CPA3: variants seen among roughly 807,000 people sequenced by gnomAD.
The protein encoded by CPA3 is carboxypeptidase A3.
A neutral mutation model predicts 55.8 loss-of-function variants in CPA3; 52 were observed. That is an observed-to-expected ratio of 0.93 (90% CI 0.75 to 1.17). The LOEUF (loss-of-function observed/expected upper bound fraction) is 1.17. Ranked by LOEUF, CPA3 falls within the 50% of genes most tolerant of loss-of-function variation. The pLI is 0.00. For missense variants in CPA3, 547 were observed against 509.1 expected, an observed-to-expected ratio of 1.07 and a Z score of -0.72; for synonymous variants, 179 against 171.2, an observed-to-expected ratio of 1.05 and a Z score of -0.36.
chr3:148,890,319 G>A (rs754966763), intron 10 of CPA3, among the ~76,000 whole-genome samples: 177 of 152,258 alleles, frequency 1.2e-3, no homozygotes, highest in Non-Finnish European at 1.8e-3. Flanking sequence ...TATTTGAGTT[G>A]ATAAGAACCA....
chr3:148,883,851 A>G (rs755668255), intron 9 of CPA3, 36 bp downstream of exon 9: 93 of 1,441,026 alleles, frequency 6.5e-5, no homozygotes, highest in Middle Eastern at 5.2e-4. Context: ...ATGCATCGAC[A>G]ATACCATTGA....
Position 148,882,567 on chromosome 3 carries a change from C to T in CPA3, c.750C>T (p.Leu250=), listed in dbSNP as rs774801756. Residue 250 remains leucine, a synonymous_variant, in exon 8 of 11, where the codon CTC becomes CTT. Coordinates refer to ENST00000296046, the MANE Select transcript of CPA3 (RefSeq NM_001870.4). ...ACTCCAAATGCATCGGCACTGACCT[C>T]AACAGGAATTTTAATGCTTCATGGA... ...NQNSKCIGTD[L]NRNFNASWNS... The T allele has an allele frequency of 1.2e-6, 2 of 1,613,646 alleles. No homozygotes were observed. Among genetic ancestry groups the T allele is most frequent in the Non-Finnish European group, 1.7e-6 (2 of 1,179,680 alleles).
At chr3:148,865,617 G>A in intron 2 of CPA3, 69 bp downstream of exon 2, 1 of 1,356,976 alleles carries the variant, frequency 7.4e-7, no homozygotes, top group Non-Finnish European at 1.0e-6. Flanking sequence ...TTATTTTACT[G>A]TCAATGCCCA....
At chr3:148,892,655 AAAC>A (rs533672624) in intron 10 of CPA3, among the ~76,000 whole-genome samples, 8 of 151,602 alleles carry the variant, frequency 5.3e-5, no homozygotes, top group Admixed American at 3.3e-4. Context: ...TCTATCTCAA[AAAC>A]AACAACAACA....
At chr3:148,883,845 A>G (rs1422211638) in intron 9 of CPA3, 30 bp downstream of exon 9, 5 of 1,481,982 alleles carry the variant, frequency 3.4e-6, no homozygotes, top group Non-Finnish European at 4.7e-6. Flanking sequence ...CACTTCATGC[A>G]TCGACAATAC....
chr3:148,875,990 G>A (rs1714190760), intron 3 of CPA3, among the ~76,000 whole-genome samples: 1 of 151,924 alleles, frequency 6.6e-6, no homozygotes, highest in Non-Finnish European at 1.5e-5. Flanking sequence ...AGGAAAAAAA[G>A]AAATAGTTAT....
chr3:148,872,000 G>A (rs1330970673), intron 3 of CPA3, among the ~76,000 whole-genome samples: 1 of 152,116 alleles, frequency 6.6e-6, no homozygotes, highest in African/African-American at 2.4e-5. Context: ...CATATTAAAA[G>A]GCTGGTTTGA....
At chr3:148,894,318 G>A (rs190021845) in intron 10 of CPA3, among the ~76,000 whole-genome samples, 47 of 152,016 alleles carry the variant, frequency 3.1e-4, no homozygotes, top group Non-Finnish European at 4.4e-4. Flanking sequence ...GGTAAGTTAT[G>A]TATGTGTATT....
chr3:148,883,182 A>G (rs994247755), intron 8 of CPA3, among the ~76,000 whole-genome samples: 9 of 152,230 alleles, frequency 5.9e-5, no homozygotes, highest in Non-Finnish European at 1.3e-4. Context: ...GTATTCTACC[A>G]TAATGAACAT....
chr3:148,884,940 T>A (rs1005965402), intron 9 of CPA3, among the ~76,000 whole-genome samples: 1 of 152,144 alleles, frequency 6.6e-6, no homozygotes, highest in Non-Finnish European at 1.5e-5. Flanking sequence ...AAAAAATTAT[T>A]TATTGGTTAT....
chr3:148,878,704 A>G lies in CPA3; in HGVS notation c.430A>G (p.Lys144Glu), dbSNP rs1390047521. The change falls in exon 5 of 11, where the codon AAA (lysine) becomes GAA (glutamate). Residue 144 changes from lysine (K) to glutamate (E), a missense_variant. By Grantham distance (56) the Lys-to-Glu change is moderately conservative (BLOSUM62 1). Coordinates refer to ENST00000296046, the MANE Select transcript of CPA3 (RefSeq NM_001870.4). ...GTATCCTGAAATGGTCTCTCGTATT[A>G]AAATTGGATCTACTGTTGAAGATAA... is the stretch of plus-strand genomic sequence containing the variant. ...DKYPEMVSRI[K>E]IGSTVEDNPL... 6.2e-7 allele frequency: 1 copy of G among 1,611,850 alleles called. No homozygotes were observed. The highest frequency in any genetic ancestry group is 8.5e-7 in the Non-Finnish European group (1 of 1,178,504).
At chr3:148,878,942 C>T (rs1714286683) in intron 5 of CPA3, among the ~76,000 whole-genome samples, 194 bp downstream of exon 5, 1 of 152,146 alleles carries the variant, frequency 6.6e-6, no homozygotes, top group Non-Finnish European at 1.5e-5. Context: ...TCTGGATAAA[C>T]ATTTGTCAGA....
intron 9 of CPA3, among the ~76,000 whole-genome samples, chr3:148,885,732 T>G (rs575192657): frequency 6.6e-6 from 1 of 152,232 alleles, no homozygotes; most frequent in South Asian, 2.1e-4. Context: ...TTACCACATA[T>G]ATTACTGAAA....
chr3:148,867,191 C>T (rs961953421), intron 2 of CPA3, among the ~76,000 whole-genome samples: 2 of 152,228 alleles, frequency 1.3e-5, no homozygotes, highest in African/African-American at 4.8e-5. Flanking sequence ...ATCTCACCCA[C>T]CTTGGCCCTG....
At chr3:148,880,008 G>T in intron 6 of CPA3, 119 bp downstream of exon 6, 2 of 643,168 alleles carry the variant, frequency 3.1e-6, no homozygotes, top group Non-Finnish European at 5.5e-6. Context: ...CATACTTGGT[G>T]CTGTCAGGGA....
At chr3:148,875,760 C>T (rs1714184692) in intron 3 of CPA3, among the ~76,000 whole-genome samples, 2 of 151,966 alleles carry the variant, frequency 1.3e-5, no homozygotes, top group African/African-American at 4.8e-5. Flanking sequence ...TAATATTTAA[C>T]AAAATAAGGA....
chr3:148,881,643 C>G lies in CPA3; in HGVS notation c.687+11C>G. 6 of 1,535,210 alleles carry G rather than the reference C, an allele frequency of 3.9e-6. No homozygotes were observed. Among genetic ancestry groups the G allele is most frequent in the Non-Finnish European group, 5.4e-6 (6 of 1,114,860 alleles). ...TGGTCATGGACAAAGGTACTGCTCT[C>G]TACTCTCTTGTTTGCATTTAGATAT... is the stretch of plus-strand genomic sequence containing the variant. On this transcript the variant is annotated intron_variant, in intron 7 of 10. Transcript: ENST00000296046.
In CPA3 at chr3:148,891,481, TACACACAC is replaced by T. The variant is rs3046005; in HGVS notation, c.1067-5015_1067-5008del. 5.5e-3 allele frequency among the ~76,000 whole-genome samples: 815 copies of T among 146,870 alleles called. 11 individuals carry two copies. Among genetic ancestry groups the T allele is most frequent in the African/African-American group, 0.018 (698 of 39,592 alleles). ...GGTAACAGAGCAAGACCCTGTCACA[TACACACAC>T]ACACACACACACACACACACACATA... On this transcript the variant is annotated intron_variant, in intron 10 of 10. Coordinates refer to ENST00000296046, the MANE Select transcript of CPA3 (RefSeq NM_001870.4).
chr3:148,867,202 T>C lies in CPA3; in HGVS notation c.144+1654T>C, dbSNP rs76145770. 3.1e-3 allele frequency among the ~76,000 whole-genome samples: 469 copies of C among 152,334 alleles called. 1 individual carries two copies. The highest frequency in any genetic ancestry group is 0.011 in the African/African-American group (445 of 41,590). ...CAAAATCTCACCCACCTTGGCCCTGTACATCTTTTCTCATGAAAATGTGTT... is the reference window on the plus strand; with the variant it reads ...CAAAATCTCACCCACCTTGGCCCTGCACATCTTTTCTCATGAAAATGTGTT... On this transcript the variant is annotated intron_variant, in intron 2 of 10. Coordinates refer to ENST00000296046, the MANE Select transcript of CPA3 (RefSeq NM_001870.4).
Sources: allele counts gnomAD v4.1 joint callset (sites outside exome capture counted in the v4.1 genomes callset), GRCh38; gene constraint gnomAD v4.1.1; transcripts MANE v1.5; gene names NCBI Gene and HGNC (gene_info 2026-07-23, HGNC 2026-07-21).